Variants in NRXN3 observed in about 807,000 individuals in gnomAD.
NRXN3 encodes the protein neurexin 3, also known as neurexin III.
NRXN3 carries 32 observed loss-of-function variants against 137.6 expected under a neutral mutation model. The observed-to-expected ratio is 0.23, with a 90% CI of 0.18 to 0.31. NRXN3 has a LOEUF of 0.31. NRXN3 is among the 10% of genes least tolerant of loss of function. The probability of loss-of-function intolerance (pLI) is 1.00; values close to 1 mark genes in which losing one functional copy is unlikely to be tolerated. For missense variants in NRXN3, 1,574 were observed against 2,062.5 expected, an observed-to-expected ratio of 0.76 and a Z score of 4.59; for synonymous variants, 798 against 784.5, an observed-to-expected ratio of 1.02 and a Z score of -0.29.
chr14:79,791,061 C>T (rs1225360809), intron 19 of NRXN3: 1 of 152,202 alleles, frequency 6.6e-6, no homozygotes, highest in Non-Finnish European at 1.5e-5. Context: ...CCCACCAGCC[C>T]CACCTCCAAC....
chr14:79,623,318 G>T (rs550413574), intron 16 of NRXN3, among the ~76,000 whole-genome samples: 11 of 152,102 alleles, frequency 7.2e-5, no homozygotes, highest in African/African-American at 2.7e-4. Flanking sequence ...ACACATTTTG[G>T]GGTGGAAATG....
At chr14:79,417,963 GA>G (rs34369597) in intron 15 of NRXN3, among the ~76,000 whole-genome samples, 47,112 of 141,412 alleles carry the variant, frequency 0.33, 8,057 homozygotes, top group Middle Eastern at 0.54. Context: ...AGAATATATG[GA>G]AAAAAAAAAA....
At chr14:79,391,640 G>A (rs1236977784) in intron 15 of NRXN3, among the ~76,000 whole-genome samples, 1 of 152,138 alleles carries the variant, frequency 6.6e-6, no homozygotes, top group Non-Finnish European at 1.5e-5. Context: ...GGAAGGGATT[G>A]GGATGAAAAT....
intron 10 of NRXN3, among the ~76,000 whole-genome samples, chr14:78,881,510 G>C (rs941718486): frequency 1.3e-5 from 2 of 151,612 alleles, no homozygotes; most frequent in African/African-American, 2.4e-5. Context: ...GGTGACTCTT[G>C]CTATGCTCTA....
At position 79,181,636 on chromosome 14, in the gene NRXN3, G is replaced by A. The variant is rs545269218; in HGVS notation, c.3262+193495G>A. Among the ~76,000 whole-genome samples the A allele has an allele frequency of 4.7e-3, 705 of 148,624 alleles. 10 individuals are homozygous for A. The highest frequency in any genetic ancestry group is 0.017 in the African/African-American group (662 of 40,022). ...GCGGAGGATGCAATCAGCCAAGATC[G>A]CGTCACTGCATTCCAGTCCTGGGCA... On this transcript the variant is annotated intron_variant, in intron 15 of 20. Transcript: ENST00000335750.
intron 15 of NRXN3, among the ~76,000 whole-genome samples, chr14:79,412,807 AG>A (rs1156627149): frequency 7.7e-5 from 11 of 142,566 alleles, no homozygotes; most frequent in African/African-American, 2.9e-4. Flanking sequence ...AAAAAAAAAA[AG>A]GCTGAGATCA....
rs1313495511 is a variant in NRXN3, at chr14:79,502,352, T to C, written c.3444+34950T>C. Among the ~76,000 whole-genome samples, 5 of 152,246 alleles carry C rather than the reference T, an allele frequency of 3.3e-5. No homozygotes were observed. In the South Asian group the frequency reaches 6.2e-4, roughly 19 times the overall value. On this transcript the variant is annotated intron_variant, in intron 16 of 20. Transcript: ENST00000335750. ...CAGAGGGCAGACCCTCCGAGTGAAG[T>C]ACCTTTTTTTCTTATTTGAGCCTGC...
chr14:78,853,876 G>A (rs1336528345), intron 10 of NRXN3, among the ~76,000 whole-genome samples: 1 of 152,078 alleles, frequency 6.6e-6, no homozygotes, highest in African/African-American at 2.4e-5. Flanking sequence ...TCTGATTTAG[G>A]AAAAGTGTAT....
intron 15 of NRXN3, among the ~76,000 whole-genome samples, chr14:79,021,605 G>C (rs1227886059): frequency 1.3e-5 from 2 of 152,064 alleles, no homozygotes; most frequent in African/African-American, 4.8e-5. Context: ...CTAGTGGAGA[G>C]GATGGGAGTG....
chr14:79,735,172 A>G (rs2098937675), intron 19 of NRXN3, among the ~76,000 whole-genome samples: 1 of 152,126 alleles, frequency 6.6e-6, no homozygotes, highest in Non-Finnish European at 1.5e-5. Flanking sequence ...GTTATACGGC[A>G]TTTTCCATCC....
At chr14:79,097,175 T>G (rs8005119) in intron 15 of NRXN3, among the ~76,000 whole-genome samples, 146,482 of 152,166 alleles carry the variant, frequency 0.96, 70,632 homozygotes, top group Middle Eastern at 0.99. Flanking sequence ...ACCTGCAACA[T>G]GCTCAACTGA....
intron 15 of NRXN3, among the ~76,000 whole-genome samples, chr14:79,277,184 A>C (rs2153435136): frequency 6.6e-6 from 1 of 152,268 alleles, no homozygotes; most frequent in South Asian, 2.1e-4. Flanking sequence ...CTTGGGGAAA[A>C]GCCTTCCAGA....
intron 16 of NRXN3, among the ~76,000 whole-genome samples, chr14:79,521,550 G>C (rs1007680474): frequency 5.3e-5 from 8 of 152,108 alleles, no homozygotes; most frequent in African/African-American, 1.9e-4. Flanking sequence ...ACTATGAGCA[G>C]TGAATCATCT....
In NRXN3 at chr14:78,549,044, C is replaced by CT. The variant is rs2096662326; in HGVS notation, c.758-96073dup. 2.6e-5 allele frequency among the ~76,000 whole-genome samples: 4 copies of CT among 152,350 alleles called. No individual in the cohort carries two copies. In the South Asian group the frequency reaches 8.3e-4, roughly 32 times the overall value. On this transcript the variant is annotated intron_variant, in intron 4 of 20. Transcript: ENST00000335750. ...CAGACTATACATTGTTCAGCTTCCT[C>CT]TTTCCCCCTTTCTGACATGGAAATA...
At chr14:79,535,963 G>A (rs1303705118) in intron 16 of NRXN3, among the ~76,000 whole-genome samples, 1 of 152,160 alleles carries the variant, frequency 6.6e-6, no homozygotes, top group African/African-American at 2.4e-5. Flanking sequence ...TGGGATTATA[G>A]GTGGAATAAG....
chr14:79,457,111 T>G (rs1470044946), intron 15 of NRXN3, among the ~76,000 whole-genome samples: 1 of 152,064 alleles, frequency 6.6e-6, no homozygotes, highest in Non-Finnish European at 1.5e-5. Flanking sequence ...GATTACACCT[T>G]AGTCCATCTG....
chr14:79,360,567 A>C (rs775390671), intron 15 of NRXN3, among the ~76,000 whole-genome samples: 1 of 152,246 alleles, frequency 6.6e-6, no homozygotes, highest in Non-Finnish European at 1.5e-5. Context: ...GTTATGCTGA[A>C]AGATGAATGC....
chr14:79,442,840 C>T (rs1385857696), intron 15 of NRXN3, among the ~76,000 whole-genome samples: 2 of 152,200 alleles, frequency 1.3e-5, no homozygotes, highest in Non-Finnish European at 2.9e-5. Context: ...TGAGCAGGGA[C>T]ACCCTAGACG....
chr14:79,237,474 TATCTTAGGTG>T (rs1409802174), intron 15 of NRXN3, among the ~76,000 whole-genome samples: 1 of 152,018 alleles, frequency 6.6e-6, no homozygotes, highest in Non-Finnish European at 1.5e-5. Flanking sequence ...ACAGGTGGAT[TATCTTAGGTG>T]ATATGCTGTG....
Sources: gnomAD v4.1 joint callset for allele counts (sites outside exome capture counted in the v4.1 genomes callset) on GRCh38, gnomAD v4.1.1 for gene constraint, MANE v1.5 for transcripts, NCBI Gene and HGNC (gene_info 2026-07-23, HGNC 2026-07-21) for gene names.